CLDN16: variants seen among roughly 807,000 people sequenced by gnomAD.
The protein encoded by CLDN16 is claudin 16.
CLDN16 carries 13 observed loss-of-function variants against 24.6 expected under a neutral mutation model. The ratio of observed to expected loss-of-function variants is 0.53; its 90% CI spans 0.34 to 0.84. The LOEUF (loss-of-function observed/expected upper bound fraction) is 0.84. Ranked by LOEUF, CLDN16 falls within the 40% of genes least tolerant of loss-of-function variation. The pLI is 0.01. For missense variants in CLDN16, 298 were observed against 292.7 expected (o/e 1.02, Z -0.13); for synonymous variants, 116 against 106.7 (o/e 1.09, Z -0.54).
intron 1 of CLDN16, among the ~76,000 whole-genome samples, chr3:190,325,714 T>C (rs1717046485): frequency 6.6e-6 from 1 of 152,116 alleles, no homozygotes. Flanking sequence ...TTCTCAGAAA[T>C]GGTTAATGAT....
chr3:190,321,873 G>T, upstream of CLDN16: 1 of 820,432 alleles, frequency 1.2e-6, no homozygotes, highest in Non-Finnish European at 2.0e-6. Flanking sequence ...CAGAAGACTT[G>T]ATCAACTGAA....
chr3:190,338,483 C>T (rs1047696576), intron 1 of CLDN16, among the ~76,000 whole-genome samples: 1 of 152,022 alleles, frequency 6.6e-6, no homozygotes, highest in African/African-American at 2.4e-5. Context: ...ACCCTCATGC[C>T]CAAGTTTAAT....
Position 190,324,246 on chromosome 3 carries a change from G to T in CLDN16, n.121+1585G>T, listed in dbSNP as rs537098135. ...GCCTGTAATCCCAACACTTTGGGAG[G>T]CTGAGGCAGGCGGATCACTTGAGAT... On this transcript the variant is annotated intron_variant and non_coding_transcript_variant, in intron 1 of 4. Coordinates refer to the CLDN16 transcript ENST00000468220. 1.2e-4 allele frequency among the ~76,000 whole-genome samples: 19 copies of T among 152,338 alleles called. 1 individual carries two copies. Among genetic ancestry groups the T allele is most frequent in the African/African-American group, 4.6e-4 (19 of 41,584 alleles).
intron 1 of CLDN16, among the ~76,000 whole-genome samples, chr3:190,356,027 G>C (rs1717763734): frequency 6.6e-6 from 1 of 151,714 alleles, no homozygotes; most frequent in Admixed American, 6.6e-5. Flanking sequence ...TTTAGGTCCA[G>C]TTCAGATTTA....
upstream of CLDN16, chr3:190,322,084 C>A (rs899152848): frequency 3.7e-6 from 6 of 1,614,102 alleles, no homozygotes; most frequent in Non-Finnish European, 5.1e-6. Flanking sequence ...CCTGGGCGGT[C>A]ACGATGTTGT....
intron 1 of CLDN16, among the ~76,000 whole-genome samples, chr3:190,393,549 A>G (rs1718733558): frequency 6.6e-6 from 1 of 152,234 alleles, no homozygotes; most frequent in South Asian, 2.1e-4. Flanking sequence ...AGCAGCAGGC[A>G]GATATGAATC....
chr3:190,372,909 A>T (rs1159955202), intron 2 of CLDN16, among the ~76,000 whole-genome samples: 1 of 151,800 alleles, frequency 6.6e-6, no homozygotes, highest in Non-Finnish European at 1.5e-5. Flanking sequence ...CTGTTTCCTG[A>T]CTATTGACCC....
At chr3:190,333,635 T>G (rs939989497) in intron 1 of CLDN16, among the ~76,000 whole-genome samples, 1 of 152,112 alleles carries the variant, frequency 6.6e-6, no homozygotes, top group Non-Finnish European at 1.5e-5. Flanking sequence ...ATATTCTGCC[T>G]AATGTTCAGC....
chr3:190,402,956 GA>G (rs1395279154), intron 2 of CLDN16, among the ~76,000 whole-genome samples: 1 of 152,174 alleles, frequency 6.6e-6, no homozygotes, highest in African/African-American at 2.4e-5. Flanking sequence ...ATCAGTGGAA[GA>G]AAAAACCAAC....
At chr3:190,310,210 G>A in the CLDN16 span, 12 of 1,613,718 alleles carry the variant, frequency 7.4e-6, no homozygotes, top group Admixed American at 1.7e-5. Context: ...ATTCTTGAAC[G>A]ATTCTATTGC....
chr3:190,327,149 G>A (rs1212784770), intron 1 of CLDN16, among the ~76,000 whole-genome samples: 1 of 152,192 alleles, frequency 6.6e-6, no homozygotes, highest in African/African-American at 2.4e-5. Context: ...TTCGTAAAGT[G>A]TTCCAGCAGG....
At chr3:190,355,058 C>T (rs560915817) in intron 1 of CLDN16, among the ~76,000 whole-genome samples, 1 of 152,018 alleles carries the variant, frequency 6.6e-6, no homozygotes, top group Admixed American at 6.6e-5. Flanking sequence ...AGAAAAGTAA[C>T]TAAAAAATGT....
intron 1 of CLDN16, among the ~76,000 whole-genome samples, chr3:190,354,167 G>A (rs1717721766): frequency 6.6e-6 from 1 of 151,784 alleles, no homozygotes; most frequent in East Asian, 1.9e-4. Context: ...ACTGCATTTA[G>A]GTCTCATCTT....
chr3:190,384,611 T>C (rs955773374), upstream of CLDN16, among the ~76,000 whole-genome samples: 7 of 152,148 alleles, frequency 4.6e-5, no homozygotes, highest in African/African-American at 1.7e-4. Flanking sequence ...GCAAAATCAA[T>C]AGCCCTGGAG....
chr3:190,318,335 A>G (rs968770956), upstream of CLDN16, among the ~76,000 whole-genome samples: 8 of 152,326 alleles, frequency 5.3e-5, no homozygotes, highest in African/African-American at 1.9e-4. Flanking sequence ...AATCACTCCA[A>G]TTAAGGAAAC....
At chr3:190,316,823 A>G in the CLDN16 span, among the ~76,000 whole-genome samples, 3 of 152,190 alleles carry the variant, frequency 2.0e-5, no homozygotes, top group Non-Finnish European at 4.4e-5. Context: ...TCTTGTGTTT[A>G]GCTTAATTTT....
chr3:190,362,709 T>A (rs1444578858), intron 1 of CLDN16, among the ~76,000 whole-genome samples: 2 of 152,038 alleles, frequency 1.3e-5, no homozygotes, highest in Non-Finnish European at 2.9e-5. Context: ...AAGTTGACTT[T>A]TTGTTTTAAT....
At chr3:190,373,130 G>A (rs919720464) in intron 2 of CLDN16, among the ~76,000 whole-genome samples, 4 of 151,892 alleles carry the variant, frequency 2.6e-5, no homozygotes, top group African/African-American at 7.3e-5. Flanking sequence ...TTTAGTATAA[G>A]AATTTTAACA....
At chr3:190,338,427 G>A (rs1475090396) in intron 1 of CLDN16, among the ~76,000 whole-genome samples, 1 of 152,186 alleles carries the variant, frequency 6.6e-6, no homozygotes, top group Non-Finnish European at 1.5e-5. Context: ...TAGGGGCATG[G>A]AGAAATACTT....
Sources: gnomAD v4.1 joint callset for allele counts (sites outside exome capture counted in the v4.1 genomes callset) on GRCh38, gnomAD v4.1.1 for gene constraint, MANE v1.5 for transcripts, NCBI Gene and HGNC (gene_info 2026-07-23, HGNC 2026-07-21) for gene names.